Variants in ABHD12 observed in about 807,000 individuals in gnomAD.
ABHD12 encodes lysophosphatidylserine lipase ABHD12.
ABHD12 carries 43 observed loss-of-function variants against 58.3 expected under a neutral mutation model. The ratio of observed to expected loss-of-function variants is 0.74; its 90% CI spans 0.58 to 0.95. The LOEUF is 0.95. Among genes scored for constraint, ABHD12 ranks in the 40% least tolerant of loss-of-function variants. The probability of loss-of-function intolerance (pLI) is 0.00; values close to 1 mark genes in which losing one functional copy is unlikely to be tolerated. For synonymous variants in ABHD12, 219 were observed against 211.2 expected, an observed-to-expected ratio of 1.04 and a Z score of -0.32; for missense variants, 539 against 537.2, an observed-to-expected ratio of 1.00 and a Z score of -0.03.
intron 1 of ABHD12, among the ~76,000 whole-genome samples, chr20:25,384,449 A>G (rs1220334792): frequency 6.6e-6 from 1 of 151,868 alleles, no homozygotes. Flanking sequence ...AAAAAACTAT[A>G]TAAACAAACA....
intron 2 of ABHD12, among the ~76,000 whole-genome samples, chr20:25,330,231 C>T (rs2089247468): frequency 1.3e-5 from 2 of 152,248 alleles, no homozygotes; most frequent in Non-Finnish European, 2.9e-5. Flanking sequence ...GGGTCACTCC[C>T]ACCCGAATAC....
intron 1 of ABHD12, among the ~76,000 whole-genome samples, chr20:25,373,053 G>C (rs1279600969): frequency 6.6e-6 from 1 of 152,204 alleles, no homozygotes; most frequent in Non-Finnish European, 1.5e-5. Flanking sequence ...ATGCTGTGCA[G>C]GTTTGCAGCC....
At chr20:25,301,461 C>T (rs2088634201) in intron 12 of ABHD12, among the ~76,000 whole-genome samples, 2 of 152,236 alleles carry the variant, frequency 1.3e-5, no homozygotes, top group African/African-American at 4.8e-5. Context: ...CCATTAGCAG[C>T]AGCCCCTCCG....
At chr20:25,315,643 C>T (rs577986456) in intron 5 of ABHD12, among the ~76,000 whole-genome samples, 1 of 152,258 alleles carries the variant, frequency 6.6e-6, no homozygotes, top group East Asian at 1.9e-4. Context: ...AGCTCCTAGC[C>T]ACCGCAGAGG....
At chr20:25,371,109 CGA>C (rs2089894660) in intron 1 of ABHD12, among the ~76,000 whole-genome samples, 1 of 152,150 alleles carries the variant, frequency 6.6e-6, no homozygotes, top group Non-Finnish European at 1.5e-5. Flanking sequence ...CCAGGAAGAA[CGA>C]GAGTGATCAG....
intron 1 of ABHD12, among the ~76,000 whole-genome samples, chr20:25,376,838 AACACAGGCC>A (rs2089967904): frequency 6.6e-6 from 1 of 152,226 alleles, no homozygotes; most frequent in African/African-American, 2.4e-5. Flanking sequence ...CAATACTCTC[AACACAGGCC>A]ACACTGTTCA....
At chr20:25,304,139 G>A (rs1199204921) in intron 10 of ABHD12, among the ~76,000 whole-genome samples, 1 of 152,248 alleles carries the variant, frequency 6.6e-6, no homozygotes, top group East Asian at 1.9e-4. Context: ...CGGAGCCTGG[G>A]CTCTCCTGTG....
intron 1 of ABHD12, among the ~76,000 whole-genome samples, chr20:25,343,662 G>C (rs2089483311): frequency 6.6e-6 from 1 of 152,178 alleles, no homozygotes; most frequent in South Asian, 2.1e-4. Context: ...CAATTAGCTG[G>C]GTGTGGTGGC....
chr20:25,361,155 G>C (rs2089741694), intron 1 of ABHD12, among the ~76,000 whole-genome samples: 2 of 152,186 alleles, frequency 1.3e-5, no homozygotes, highest in South Asian at 4.1e-4. Flanking sequence ...ACTGAAGCTT[G>C]CCGTCTGCAA....
At position 25,390,814 on chromosome 20, in the gene ABHD12, A is replaced by T; in HGVS notation, c.-111T>A. The T allele has an allele frequency of 1.4e-6, 1 of 697,750 alleles. No homozygotes were observed. Among genetic ancestry groups the T allele is most frequent in the Non-Finnish European group, 1.9e-6 (1 of 519,736 alleles). 43.2% of individuals were successfully genotyped at this position (697,750 alleles called of 1,614,324 possible). On this transcript the variant is annotated 5_prime_UTR_variant, in exon 1 of 13. An upstream open reading frame in the 5' UTR loses its in-frame stop. Transcript: ENST00000339157. ...CGGAGCCCGGAACCCGCCGCTCCTC[A>T]CATCCCAGCCCAGGCCGCTGCGCCG...
chr20:25,369,927 T>TAAAAAAAAAAAA lies in ABHD12; in HGVS notation c.191+20574_191+20585dup, dbSNP rs3032443. 2.2e-5 allele frequency among the ~76,000 whole-genome samples: 2 copies of TAAAAAAAAAAAA among 91,440 alleles called. 1 individual carries two copies. Among genetic ancestry groups the TAAAAAAAAAAAA allele is most frequent in the Non-Finnish European group, 4.1e-5 (2 of 48,732 alleles). The allele number at this position is 91,440 out of a possible 152,430, so 60.0% of individuals were successfully genotyped here. A position where few individuals can be genotyped will look rare whatever the true frequency, so the allele number is the denominator to read the frequency against. On this transcript the variant is annotated intron_variant, in intron 1 of 12. Coordinates refer to ENST00000339157, the MANE Select transcript of ABHD12 (RefSeq NM_001042472.3). Reference sequence around the variant, plus strand: ...AGACCCTGTTTCTCTGTCTCTGTTATAAAAAAAAAAAAAAAAAAAAAAGCC... The same window carrying TAAAAAAAAAAAA: ...AGACCCTGTTTCTCTGTCTCTGTTATAAAAAAAAAAAAAAAAAAAAAAAAAAAAAAAAAAGCC...
chr20:25,383,731 G>A (rs1170335638), intron 1 of ABHD12, among the ~76,000 whole-genome samples: 6 of 152,188 alleles, frequency 3.9e-5, no homozygotes, highest in Admixed American at 3.3e-4. Context: ...CAAGGTGGGC[G>A]GATCATGAGG....
downstream of ABHD12, chr20:25,297,901 A>G (rs1449649065): frequency 6.6e-6 from 1 of 152,312 alleles, no homozygotes; most frequent in African/African-American, 2.4e-5. Flanking sequence ...GGAGGAGGCC[A>G]TACTCCCCTA....
downstream of ABHD12, chr20:25,296,423 G>A: frequency 1.9e-6 from 3 of 1,614,100 alleles, no homozygotes; most frequent in Middle Eastern, 1.6e-4. Flanking sequence ...GCTCGGGCAA[G>A]TTCTCCAGTG....
intron 1 of ABHD12, among the ~76,000 whole-genome samples, chr20:25,372,139 T>A (rs1182948062): frequency 6.6e-6 from 1 of 152,102 alleles, no homozygotes; most frequent in Non-Finnish European, 1.5e-5. Flanking sequence ...AGTGCTGGGA[T>A]TATAGGTATG....
chr20:25,318,180 T>C (rs1361424296), intron 4 of ABHD12, among the ~76,000 whole-genome samples: 1 of 151,994 alleles, frequency 6.6e-6, no homozygotes, highest in Admixed American at 6.6e-5. Flanking sequence ...CTGGCCATGG[T>C]GGTGGGTGAC....
chr20:25,375,363 C>A (rs66501707), intron 1 of ABHD12, among the ~76,000 whole-genome samples: 7,799 of 152,326 alleles, frequency 0.051, 216 homozygotes, highest in Middle Eastern at 0.12. Context: ...AAATTATAAT[C>A]TTGCTCTAAG....
chr20:25,350,911 A>G (rs2089589049), intron 1 of ABHD12, among the ~76,000 whole-genome samples: 1 of 151,684 alleles, frequency 6.6e-6, no homozygotes, highest in Non-Finnish European at 1.5e-5. Context: ...AGCATTTAAA[A>G]AAAAGCTGTA....
rs765372478 is a variant in ABHD12 at position 25,317,063 on chromosome 20, G to A, written c.558C>T (p.Arg186=). 2.0e-5 allele frequency: 33 copies of A among 1,612,512 alleles called. No homozygotes were observed. The East Asian group carries it at 4.7e-4, about 23-fold the overall frequency. Residue 186 remains arginine (R), a synonymous_variant, in exon 5 of 13, where the codon CGC becomes CGT. Transcript: ENST00000339157. The stretch of plus-strand genomic sequence containing the variant: ...CTGCACTCACCTTGTAAAGCTCCAC[G>A]CGGTGGTCGCCTCCTCTGGAGAAGA... ...GNAGTRGGDH[R]VELYKVLSSL... is the part of the protein sequence containing the mutation.
Sources: allele counts gnomAD v4.1 joint callset (sites outside exome capture counted in the v4.1 genomes callset), GRCh38; gene constraint gnomAD v4.1.1; transcripts MANE v1.5; gene names NCBI Gene and HGNC (gene_info 2026-07-23, HGNC 2026-07-21).